ARID1B: variants seen among roughly 807,000 people sequenced by gnomAD.
ARID1B encodes AT-rich interaction domain 1B, also known as AT-rich interactive domain-containing protein 1B.
ARID1B carries 30 observed loss-of-function variants against 212.3 expected under a neutral mutation model. The observed-to-expected ratio is 0.14, with a 90% CI of 0.11 to 0.19. The LOEUF (loss-of-function observed/expected upper bound fraction) is 0.19. ARID1B is among the 10% of genes least tolerant of loss of function. The probability of loss-of-function intolerance (pLI) is 1.00; values close to 1 mark genes in which losing one functional copy is unlikely to be tolerated. For synonymous variants in ARID1B, 1,402 were observed against 1,301.7 expected, an observed-to-expected ratio of 1.08 and a Z score of -1.66; for missense variants, 2,891 against 3,204.0, an observed-to-expected ratio of 0.90 and a Z score of 2.36.
At chr6:156,953,493 T>G (rs960740545) in intron 4 of ARID1B, among the ~76,000 whole-genome samples, 1 of 152,246 alleles carries the variant, frequency 6.6e-6, no homozygotes, top group East Asian at 1.9e-4. Flanking sequence ...CTCTGTACTA[T>G]GTAATTTTAA....
At chr6:156,914,279 T>C (rs1790169200) in intron 3 of ARID1B, among the ~76,000 whole-genome samples, 1 of 152,200 alleles carries the variant, frequency 6.6e-6, no homozygotes, top group African/African-American at 2.4e-5. Flanking sequence ...TTGAGTGAGA[T>C]CATGCGGTAT....
At chr6:156,915,553 G>T (rs1235687526) in intron 3 of ARID1B, among the ~76,000 whole-genome samples, 1 of 149,950 alleles carries the variant, frequency 6.7e-6, no homozygotes, top group Non-Finnish European at 1.5e-5. Flanking sequence ...CGGTGACAGA[G>T]CAAGACTCTG....
At chr6:156,789,209 G>A (rs922174785) in intron 1 of ARID1B, among the ~76,000 whole-genome samples, 3 of 152,184 alleles carry the variant, frequency 2.0e-5, no homozygotes, top group African/African-American at 4.8e-5. Flanking sequence ...GTGCTGTGAC[G>A]TTGATGAGAA....
intron 5 of ARID1B, among the ~76,000 whole-genome samples, chr6:157,093,774 T>C (rs1182315006): frequency 1.3e-5 from 2 of 152,242 alleles, no homozygotes; most frequent in Non-Finnish European, 2.9e-5. Flanking sequence ...CATGTTGCAC[T>C]TTGAGTGTTG....
chr6:157,181,685 A>T (rs1792547581), intron 12 of ARID1B, among the ~76,000 whole-genome samples: 1 of 152,126 alleles, frequency 6.6e-6, no homozygotes, highest in Non-Finnish European at 1.5e-5. Flanking sequence ...GCTAGGCCTG[A>T]GGTGTGACAG....
chr6:157,121,667 C>T (rs1350782601), intron 6 of ARID1B, among the ~76,000 whole-genome samples: 2 of 131,130 alleles, frequency 1.5e-5, no homozygotes, highest in Non-Finnish European at 3.1e-5. Context: ...GAGTTTCACT[C>T]TGTCATCCAG....
chr6:156,807,180 A>G (rs1047294770), intron 1 of ARID1B, among the ~76,000 whole-genome samples: 4 of 145,454 alleles, frequency 2.8e-5, no homozygotes, highest in African/African-American at 1.0e-4. Flanking sequence ...TGTTTGCACA[A>G]CTCTTTATTC....
chr6:156,868,587 G>T (rs1785885194), intron 2 of ARID1B, among the ~76,000 whole-genome samples: 1 of 152,160 alleles, frequency 6.6e-6, no homozygotes, highest in Non-Finnish European at 1.5e-5. Flanking sequence ...ATGGTGGAAG[G>T]GGGTGGCCAG....
intron 1 of ARID1B, among the ~76,000 whole-genome samples, chr6:156,793,099 GCAGCCAGCA>G (rs1373810022): frequency 6.6e-6 from 1 of 152,196 alleles, no homozygotes; most frequent in African/African-American, 2.4e-5. Context: ...GGAAGATGCA[GCAGCCAGCA>G]CAGCCCTAAT....
At chr6:156,842,685 C>T (rs921261075) in intron 2 of ARID1B, among the ~76,000 whole-genome samples, 2 of 152,138 alleles carry the variant, frequency 1.3e-5, no homozygotes, top group East Asian at 3.8e-4. Context: ...AAGGAAGTGC[C>T]AAACCATTTT....
At chr6:157,167,281 G>A in intron 9 of ARID1B, 96 bp downstream of exon 9, 1 of 1,440,308 alleles carries the variant, frequency 6.9e-7, no homozygotes, top group Non-Finnish European at 9.1e-7. Flanking sequence ...CCGAGAAGGT[G>A]GATCAGTTGG....
chr6:156,854,195 T>C (rs1464423078), intron 2 of ARID1B, among the ~76,000 whole-genome samples: 1 of 152,214 alleles, frequency 6.6e-6, no homozygotes, highest in East Asian at 1.9e-4. Flanking sequence ...CAATTTCCTT[T>C]TATCAACCAA....
At chr6:156,883,265 G>A (rs1263943788) in intron 2 of ARID1B, among the ~76,000 whole-genome samples, 1 of 152,114 alleles carries the variant, frequency 6.6e-6, no homozygotes, top group Non-Finnish European at 1.5e-5. Context: ...TCTTCTAATT[G>A]TTTCTCCCAG....
At chr6:157,061,285 A>C (rs1783326427) in intron 4 of ARID1B, among the ~76,000 whole-genome samples, 1 of 152,222 alleles carries the variant, frequency 6.6e-6, no homozygotes, top group Non-Finnish European at 1.5e-5. Flanking sequence ...ATAATAGTAA[A>C]ATTTTAAATG....
At chr6:156,785,645 T>C (rs1779582428) in intron 1 of ARID1B, among the ~76,000 whole-genome samples, 1 of 152,224 alleles carries the variant, frequency 6.6e-6, no homozygotes, top group Admixed American at 6.5e-5. Flanking sequence ...GCTGTCACCA[T>C]CATCATCTAT....
intron 3 of ARID1B, among the ~76,000 whole-genome samples, chr6:156,924,042 C>T (rs978982205): frequency 6.6e-6 from 1 of 152,204 alleles, no homozygotes; most frequent in African/African-American, 2.4e-5. Flanking sequence ...TAGCTGACAT[C>T]TGTGAACATT....
chr6:156,850,018 T>A (rs1784480341), intron 2 of ARID1B, among the ~76,000 whole-genome samples: 1 of 148,804 alleles, frequency 6.7e-6, no homozygotes, highest in African/African-American at 2.5e-5. Flanking sequence ...CGGCTGTCTT[T>A]GATCTAGTAG....
intron 4 of ARID1B, among the ~76,000 whole-genome samples, chr6:157,009,722 A>G (rs755102227): frequency 8.4e-4 from 128 of 152,200 alleles, no homozygotes; most frequent in Non-Finnish European, 3.4e-4. Flanking sequence ...TAAGTGTTTT[A>G]TATGCATTTA....
At chr6:156,981,784 T>A (rs115756628) in intron 4 of ARID1B, among the ~76,000 whole-genome samples, 1,746 of 152,360 alleles carry the variant, frequency 0.011, 41 homozygotes, top group African/African-American at 0.04. Flanking sequence ...TTAGTTTTGC[T>A]TGGAGTTCAT....
Sources: allele counts gnomAD v4.1 joint callset (sites outside exome capture counted in the v4.1 genomes callset), GRCh38; gene constraint gnomAD v4.1.1; transcripts MANE v1.5; gene names NCBI Gene and HGNC (gene_info 2026-07-23, HGNC 2026-07-21).